The following SASH1 variants were observed in gnomAD, a reference collection of about 807,000 sequenced individuals.
SASH1 encodes the protein SAM and SH3 domain-containing protein 1.
Under a neutral mutation model 125.2 loss-of-function variants are expected in SASH1, and 44 were observed. That is an observed-to-expected ratio of 0.35 (90% CI 0.28 to 0.45). The LOEUF (loss-of-function observed/expected upper bound fraction) is 0.45, where lower values mean the gene tolerates loss of function less well. Ranked by LOEUF, SASH1 falls within the 20% of genes least tolerant of loss-of-function variation. SASH1 has a pLI of 1.00. For missense variants in SASH1, 1,426 were observed against 1,614.5 expected (o/e 0.88, Z 2.00); for synonymous variants, 639 against 649.1 (o/e 0.98, Z 0.24).
At chr6:148,340,700 C>G (rs1404053689), upstream of SASH1, among the ~76,000 whole-genome samples, 3 of 152,198 alleles carry the variant, frequency 2.0e-5, no homozygotes, top group Non-Finnish European at 4.4e-5. Flanking sequence ...GAAAACCCAT[C>G]TGGCCTAACT....
intron 1 of SASH1, among the ~76,000 whole-genome samples, chr6:148,303,134 C>T (rs553532381): frequency 2.8e-4 from 42 of 152,084 alleles, no homozygotes; most frequent in African/African-American, 1.0e-3. Flanking sequence ...GCACACACCA[C>T]CATGCCAGGC....
At chr6:148,216,522 G>A in the SASH1 span, among the ~76,000 whole-genome samples, 7 of 152,204 alleles carry the variant, frequency 4.6e-5, no homozygotes, top group African/African-American at 1.7e-4. Flanking sequence ...AAAAACAATG[G>A]GCTGGAGTCA....
At chr6:148,247,133 T>C in the SASH1 span, among the ~76,000 whole-genome samples, 1 of 152,190 alleles carries the variant, frequency 6.6e-6, no homozygotes, top group South Asian at 2.1e-4. Flanking sequence ...AACCTTGGCA[T>C]AGGTGAAGAT....
chr6:148,516,498 C>T (rs558891593), intron 9 of SASH1, among the ~76,000 whole-genome samples: 1 of 29,864 alleles, frequency 3.3e-5, no homozygotes, highest in African/African-American at 1.7e-4. Flanking sequence ...GCGCCCCCTC[C>T]CCCCTCCCCC....
At chr6:148,455,066 A>T (rs1371315535) in intron 4 of SASH1, among the ~76,000 whole-genome samples, 1 of 152,184 alleles carries the variant, frequency 6.6e-6, no homozygotes, top group African/African-American at 2.4e-5. Context: ...GAGGTGTTGG[A>T]TACAAGGAGG....
intron 4 of SASH1, among the ~76,000 whole-genome samples, chr6:148,462,698 C>T (rs964087349): frequency 1.2e-4 from 18 of 152,138 alleles, no homozygotes; most frequent in African/African-American, 4.3e-4. Context: ...GCAATTTACT[C>T]AAGAGCTGGG....
At chr6:148,483,820 A>G (rs1018519744) in intron 7 of SASH1, among the ~76,000 whole-genome samples, 3 of 152,192 alleles carry the variant, frequency 2.0e-5, no homozygotes, top group Non-Finnish European at 4.4e-5. Context: ...ATTATGAACC[A>G]GGAACCTAGA....
At chr6:148,204,492 G>A in the SASH1 span, among the ~76,000 whole-genome samples, 1 of 152,242 alleles carries the variant, frequency 6.6e-6, no homozygotes, top group South Asian at 2.1e-4. Context: ...AGGAGTTCAA[G>A]ACCAGCCTGG....
intron 7 of SASH1, among the ~76,000 whole-genome samples, chr6:148,485,654 T>C (rs1209846472): frequency 6.6e-6 from 1 of 152,206 alleles, no homozygotes; most frequent in African/African-American, 2.4e-5. Context: ...TGGTTCTGCA[T>C]TCAAGCTCTT....
At chr6:148,224,776 T>C in the SASH1 span, among the ~76,000 whole-genome samples, 3 of 152,220 alleles carry the variant, frequency 2.0e-5, no homozygotes, top group Admixed American at 1.3e-4. Flanking sequence ...TATAGTTTTA[T>C]TTTTTATAAA....
intron 9 of SASH1, among the ~76,000 whole-genome samples, chr6:148,518,060 A>C (rs1780546117): frequency 6.6e-6 from 1 of 152,130 alleles, no homozygotes; most frequent in East Asian, 1.9e-4. Flanking sequence ...TGGAGGGTAG[A>C]CTATAACTAG....
chr6:148,290,183 C>T (rs1414914190), intron 1 of SASH1, among the ~76,000 whole-genome samples: 1 of 151,386 alleles, frequency 6.6e-6, no homozygotes, highest in African/African-American at 2.4e-5. Flanking sequence ...TGAGGGAAAT[C>T]TCAGTGTTAA....
intron 1 of SASH1, among the ~76,000 whole-genome samples, chr6:148,371,680 A>T (rs868593774): frequency 6.6e-6 from 1 of 151,944 alleles, no homozygotes; most frequent in African/African-American, 2.4e-5. Context: ...CAGAGCCAGG[A>T]TGTCCTCTGG....
intron 7 of SASH1, chr6:148,480,285 C>A (rs1403943410): frequency 2.7e-5 from 4 of 149,202 alleles, no homozygotes; most frequent in African/African-American, 1.0e-4. Context: ...CGCACCATTG[C>A]ACTCTAGCCT....
At chr6:148,388,868 GT>G (rs1473032421) in intron 1 of SASH1, among the ~76,000 whole-genome samples, 1 of 152,006 alleles carries the variant, frequency 6.6e-6, no homozygotes, top group African/African-American at 2.4e-5. Flanking sequence ...AAATGTGTGT[GT>G]GGCTTTAGGT....
intron 1 of SASH1, among the ~76,000 whole-genome samples, chr6:148,363,608 G>C (rs1782336809): frequency 6.6e-6 from 1 of 151,830 alleles, no homozygotes; most frequent in African/African-American, 2.4e-5. Flanking sequence ...CACCATCTTG[G>C]CCATGCTGGT....
intron 1 of SASH1, among the ~76,000 whole-genome samples, chr6:148,295,659 T>C (rs559693871): frequency 6.6e-6 from 1 of 152,176 alleles, no homozygotes; most frequent in African/African-American, 2.4e-5. Flanking sequence ...TACATTCAGT[T>C]TAAGCTGATG....
intron 8 of SASH1, among the ~76,000 whole-genome samples, chr6:148,498,316 C>T (rs1257441554): frequency 2.0e-5 from 3 of 151,154 alleles, no homozygotes; most frequent in South Asian, 4.2e-4. Flanking sequence ...GGGGCTGAGG[C>T]GGGAGGATTG....
chr6:148,477,642 C>T (rs1009079538), intron 7 of SASH1, among the ~76,000 whole-genome samples: 21 of 151,254 alleles, frequency 1.4e-4, no homozygotes, highest in African/African-American at 2.9e-4. Context: ...TCTCCTGCAT[C>T]GGCGTCCCGA....
Sources: allele counts gnomAD v4.1 joint callset (sites outside exome capture counted in the v4.1 genomes callset), GRCh38; gene constraint gnomAD v4.1.1; transcripts MANE v1.5; gene names NCBI Gene and HGNC (gene_info 2026-07-23, HGNC 2026-07-21).